ENOX1: variants seen among roughly 807,000 people sequenced by gnomAD.
ENOX1 encodes candidate growth-related and time keeping constitutive hydroquinone (NADH) oxidase.
Under a neutral mutation model 82.5 loss-of-function variants are expected in ENOX1, and 42 were observed. The observed-to-expected ratio is 0.51, with a 90% confidence interval of 0.40 to 0.66. The LOEUF is 0.66. ENOX1 is among the 30% of genes least tolerant of loss of function. ENOX1 has a pLI of 0.00. For missense variants in ENOX1, 608 were observed against 811.6 expected (o/e 0.75, Z 3.05); for synonymous variants, 271 against 282.2 (o/e 0.96, Z 0.40).
At chr13:43,634,838 C>G (rs139355437) in intron 2 of ENOX1, among the ~76,000 whole-genome samples, 179 of 152,212 alleles carry the variant, frequency 1.2e-3, no homozygotes, top group African/African-American at 4.2e-3. Context: ...CATAAAATAA[C>G]AATGTTAATG....
At chr13:43,222,262 TACCTGAG>T (rs2041827325) in intron 16 of ENOX1, among the ~76,000 whole-genome samples, 1 of 152,010 alleles carries the variant, frequency 6.6e-6, no homozygotes, top group South Asian at 2.1e-4. Context: ...TCACAAATCT[TACCTGAG>T]CCCTGAGGAT....
chr13:43,353,538 C>A (rs2049947996), intron 8 of ENOX1, among the ~76,000 whole-genome samples: 1 of 152,204 alleles, frequency 6.6e-6, no homozygotes, highest in Admixed American at 6.5e-5. Flanking sequence ...TCAATGAAAT[C>A]ATCTTCAGGG....
intron 3 of ENOX1, among the ~76,000 whole-genome samples, chr13:43,470,398 G>A (rs79715967): frequency 0.023 from 752 of 32,072 alleles, 130 homozygotes; most frequent in African/African-American, 0.06. Flanking sequence ...GTATATATAT[G>A]TGTATATATA....
intron 7 of ENOX1, among the ~76,000 whole-genome samples, chr13:43,357,597 A>G (rs949322105): frequency 3.9e-5 from 6 of 152,220 alleles, no homozygotes; most frequent in Admixed American, 3.3e-4. Flanking sequence ...TGATACACGC[A>G]TAACAGCTGA....
chr13:43,359,047 G>C, intron 7 of ENOX1, among the ~76,000 whole-genome samples: 1 of 152,174 alleles, frequency 6.6e-6, no homozygotes, highest in East Asian at 1.9e-4. Flanking sequence ...AACCTGGCAG[G>C]AATGCTCAGA....
intron 3 of ENOX1, among the ~76,000 whole-genome samples, chr13:43,434,912 C>T (rs565965823): frequency 1.8e-4 from 25 of 136,434 alleles, no homozygotes; most frequent in African/African-American, 3.8e-4. Flanking sequence ...GTCCTTTTAA[C>T]GTGTCTTATT....
chr13:43,559,939 G>T (rs893084141), intron 2 of ENOX1, among the ~76,000 whole-genome samples: 3 of 152,150 alleles, frequency 2.0e-5, no homozygotes, highest in African/African-American at 7.2e-5. Flanking sequence ...AAACTTTCAA[G>T]TAGTTCAATG....
At chr13:43,278,501 T>C (rs898232818) in intron 12 of ENOX1, among the ~76,000 whole-genome samples, 3 of 152,240 alleles carry the variant, frequency 2.0e-5, no homozygotes, top group African/African-American at 7.2e-5. Flanking sequence ...ATGTTTAAAA[T>C]TTAAAACAAT....
chr13:43,511,720 CT>C (rs2077375877), intron 2 of ENOX1, among the ~76,000 whole-genome samples: 1 of 152,138 alleles, frequency 6.6e-6, no homozygotes, highest in African/African-American at 2.4e-5. Context: ...TTTTATAGTG[CT>C]TTGGGAAATG....
chr13:43,276,001 C>T (rs1430546888), intron 12 of ENOX1, among the ~76,000 whole-genome samples: 2 of 152,072 alleles, frequency 1.3e-5, no homozygotes, highest in Non-Finnish European at 2.9e-5. Context: ...TGAATATTCA[C>T]GATAATCTGG....
At chr13:43,539,372 C>G (rs1441789688) in intron 2 of ENOX1, among the ~76,000 whole-genome samples, 1 of 152,128 alleles carries the variant, frequency 6.6e-6, no homozygotes, top group African/African-American at 2.4e-5. Context: ...GTCGACATTT[C>G]AATATCATTC....
rs370263448 is a variant in ENOX1, at chr13:43,692,603, T to C, written c.-284-25059A>G. 1.8e-3 allele frequency among the ~76,000 whole-genome samples: 272 copies of C among 152,264 alleles called. 1 individual carries two copies. Among genetic ancestry groups the C allele is most frequent in the East Asian group, 0.014 (73 of 5,188 alleles). On this transcript the variant is annotated intron_variant, in intron 1 of 16. Transcript: ENST00000690772. Reference sequence around the variant, plus strand: ...TCTCCCTAATATATAAAGAACTCTTTTGAACCAACACAAAAAAGACAAACC... The same window carrying C: ...TCTCCCTAATATATAAAGAACTCTTCTGAACCAACACAAAAAAGACAAACC...
At chr13:43,443,534 C>T (rs545427215) in intron 3 of ENOX1, among the ~76,000 whole-genome samples, 31 of 152,270 alleles carry the variant, frequency 2.0e-4, no homozygotes, top group African/African-American at 6.7e-4. Context: ...GCTCTGCCTG[C>T]GTGATGCAAG....
intron 11 of ENOX1, among the ~76,000 whole-genome samples, chr13:43,305,489 G>A (rs1055732311): frequency 6.6e-6 from 1 of 152,028 alleles, no homozygotes; most frequent in Non-Finnish European, 1.5e-5. Context: ...GGGAGTGCAG[G>A]GTAAGCTAGA....
At chr13:43,573,909 C>T in intron 2 of ENOX1, among the ~76,000 whole-genome samples, 1 of 152,186 alleles carries the variant, frequency 6.6e-6, no homozygotes, top group South Asian at 2.1e-4. Context: ...AGGCAAAATA[C>T]ATTGTGCAAT....
At chr13:43,563,524 A>G (rs554120171) in intron 2 of ENOX1, among the ~76,000 whole-genome samples, 1 of 152,260 alleles carries the variant, frequency 6.6e-6, no homozygotes, top group South Asian at 2.1e-4. Flanking sequence ...AATAAATAAT[A>G]GAGACCAGAG....
Position 43,326,446 on chromosome 13 carries a change from G to A in ENOX1, c.1116C>T (p.Asn372=), listed in dbSNP as rs776622674. ...WDHFSKAQRK[N]IDIWRKHSEE... ...CAGAATGCTTTCGCCAAATGTCTAT[G>A]TTCTTGCGCTGGGCTTTCGAGAAAT... The change falls in exon 10 of 17, where the codon AAC becomes AAT. Residue 372 remains asparagine, a synonymous_variant. Coordinates refer to ENST00000690772, the MANE Select transcript of ENOX1 (RefSeq NM_001347969.2). 1 of 1,614,138 alleles carries A rather than the reference G, an allele frequency of 6.2e-7. No homozygotes were observed. The highest frequency in any genetic ancestry group is 8.5e-7 in the Non-Finnish European group (1 of 1,179,974).
intron 2 of ENOX1, among the ~76,000 whole-genome samples, chr13:43,490,971 A>G (rs1439853651): frequency 6.6e-6 from 1 of 152,192 alleles, no homozygotes; most frequent in Non-Finnish European, 1.5e-5. Context: ...CCATTGTGTC[A>G]ATTCATTCTT....
chr13:43,262,968 C>T (rs2044164194), intron 14 of ENOX1, among the ~76,000 whole-genome samples: 1 of 152,192 alleles, frequency 6.6e-6, no homozygotes, highest in South Asian at 2.1e-4. Context: ...GGTCTGAAGG[C>T]CTCGTCTCTT....
Sources: gnomAD v4.1 joint callset for allele counts (sites outside exome capture counted in the v4.1 genomes callset) on GRCh38, gnomAD v4.1.1 for gene constraint, MANE v1.5 for transcripts, NCBI Gene and HGNC (gene_info 2026-07-23, HGNC 2026-07-21) for gene names.